Variants in SLC17A8 observed in about 807,000 individuals in gnomAD.
SLC17A8 encodes solute carrier family 17 member 8.
Under a neutral mutation model 58.0 loss-of-function variants are expected in SLC17A8, and 31 were observed. The observed-to-expected ratio is 0.53, with a 90% confidence interval of 0.40 to 0.72. The LOEUF (loss-of-function observed/expected upper bound fraction) is 0.72, where lower values mean the gene tolerates loss of function less well. Ranked by LOEUF, SLC17A8 falls within the 30% of genes least tolerant of loss-of-function variation. SLC17A8 has a pLI of 0.00. For synonymous variants in SLC17A8, 228 were observed against 249.0 expected, an observed-to-expected ratio of 0.92 and a Z score of 0.79; for missense variants, 655 against 727.8, an observed-to-expected ratio of 0.90 and a Z score of 1.15.
intron 1 of SLC17A8, among the ~76,000 whole-genome samples, chr12:100,361,648 TGGGA>T (rs1423811902): frequency 1.3e-5 from 2 of 151,960 alleles, no homozygotes; most frequent in African/African-American, 2.4e-5. Flanking sequence ...CTGAAAAAAC[TGGGA>T]GGGAGTAAAA....
intron 3 of SLC17A8, among the ~76,000 whole-genome samples, chr12:100,392,397 T>C (rs909715360): frequency 6.6e-6 from 1 of 152,146 alleles, no homozygotes; most frequent in Non-Finnish European, 1.5e-5. Flanking sequence ...TTTGTATGTA[T>C]GAGTATGGAC....
chr12:100,379,431 T>TC (rs200225713), intron 1 of SLC17A8, among the ~76,000 whole-genome samples: 1 of 45,650 alleles, frequency 2.2e-5, no homozygotes, highest in Non-Finnish European at 3.8e-5. Context: ...CGAGATTCCG[T>TC]CCCCAAAAAA....
At chr12:100,395,624 C>T (rs773254061) in intron 4 of SLC17A8, among the ~76,000 whole-genome samples, 2 of 144,874 alleles carry the variant, frequency 1.4e-5, no homozygotes, top group Admixed American at 7.0e-5. Flanking sequence ...TGTGCCTGGC[C>T]TTTTTTTTTT....
At chr12:100,380,368 T>C (rs556296929) in intron 1 of SLC17A8, among the ~76,000 whole-genome samples, 39 of 152,126 alleles carry the variant, frequency 2.6e-4, no homozygotes, top group Admixed American at 2.2e-3. Flanking sequence ...CTCAAATGAC[T>C]TAGTTTCCTC....
intron 10 of SLC17A8, among the ~76,000 whole-genome samples, chr12:100,415,910 G>A (rs565635362): frequency 1.3e-5 from 2 of 152,324 alleles, no homozygotes; most frequent in South Asian, 2.1e-4. Flanking sequence ...GGGAGGGATT[G>A]CAGCCACAGG....
intron 1 of SLC17A8, among the ~76,000 whole-genome samples, chr12:100,376,894 C>T (rs892616281): frequency 6.6e-6 from 1 of 152,152 alleles, no homozygotes; most frequent in African/African-American, 2.4e-5. Context: ...ACTGTAACCT[C>T]TGCCTCCAAG....
At chr12:100,365,384 C>T (rs1952512954) in intron 1 of SLC17A8, among the ~76,000 whole-genome samples, 1 of 152,156 alleles carries the variant, frequency 6.6e-6, no homozygotes, top group Non-Finnish European at 1.5e-5. Flanking sequence ...TTTTCCTATT[C>T]AGATGACTTT....
At chr12:100,394,015 T>C (rs144490424) in intron 4 of SLC17A8, among the ~76,000 whole-genome samples, 3 of 152,368 alleles carry the variant, frequency 2.0e-5, no homozygotes, top group African/African-American at 7.2e-5. Flanking sequence ...TGGGCATGGC[T>C]ACGTTCCAAT....
Position 100,374,577 on chromosome 12 carries a change from A to G in SLC17A8, c.102-6124A>G, listed in dbSNP as rs2003897. Among the ~76,000 whole-genome samples, 924 of 152,320 alleles carry G rather than the reference A, an allele frequency of 6.1e-3. 5 individuals are homozygous for G. Among genetic ancestry groups the G allele is most frequent in the Non-Finnish European group, 9.7e-3 (659 of 68,028 alleles). On this transcript the variant is annotated intron_variant, in intron 1 of 11. Transcript: ENST00000323346. ...CAGTGAGCCAAGATTGCGCCACTGCACTCCAACCTGGGTGACAGTGCAAGA... is the reference window on the plus strand; with the variant it reads ...CAGTGAGCCAAGATTGCGCCACTGCGCTCCAACCTGGGTGACAGTGCAAGA...
intron 9 of SLC17A8, among the ~76,000 whole-genome samples, chr12:100,409,191 ATGTATG>A (rs1952848777): frequency 6.9e-6 from 1 of 145,964 alleles, no homozygotes; most frequent in Non-Finnish European, 1.6e-5. Context: ...GTATGTATGT[ATGTATG>A]TATTTAGAGA....
chr12:100,378,701 A>T (rs1190275780), intron 1 of SLC17A8, among the ~76,000 whole-genome samples: 1 of 152,092 alleles, frequency 6.6e-6, no homozygotes, highest in African/African-American at 2.4e-5. Flanking sequence ...AAGGGGCTGG[A>T]CTTAGCTAGA....
At chr12:100,364,353 T>C (rs569759410) in intron 1 of SLC17A8, among the ~76,000 whole-genome samples, 1 of 152,168 alleles carries the variant, frequency 6.6e-6, no homozygotes, top group Non-Finnish European at 1.5e-5. Flanking sequence ...AAGGGGTCTG[T>C]TACAAACAAC....
At chr12:100,391,458 C>T (rs1952716107) in intron 3 of SLC17A8, among the ~76,000 whole-genome samples, 1 of 150,458 alleles carries the variant, frequency 6.6e-6, no homozygotes, top group South Asian at 2.1e-4. Context: ...GTGTGCACCA[C>T]TACACCCAGC....
intron 1 of SLC17A8, among the ~76,000 whole-genome samples, chr12:100,367,647 C>T (rs972527376): frequency 2.6e-5 from 4 of 152,198 alleles, no homozygotes; most frequent in Non-Finnish European, 5.9e-5. Context: ...ACCTCCCAGG[C>T]TCAAGTGATC....
intron 9 of SLC17A8, among the ~76,000 whole-genome samples, chr12:100,406,621 C>T (rs905548528): frequency 1.3e-5 from 2 of 151,760 alleles, no homozygotes; most frequent in African/African-American, 2.4e-5. Context: ...CTGCAACCTC[C>T]GCCTCTTGGG....
chr12:100,400,649 G>T (rs1016007983), intron 5 of SLC17A8, among the ~76,000 whole-genome samples: 9 of 152,034 alleles, frequency 5.9e-5, no homozygotes, highest in Admixed American at 4.6e-4. Context: ...TCAAATTCTG[G>T]GATATAGAAT....
At chr12:100,366,392 A>G (rs1301644016) in intron 1 of SLC17A8, among the ~76,000 whole-genome samples, 1 of 152,162 alleles carries the variant, frequency 6.6e-6, no homozygotes, top group African/African-American at 2.4e-5. Context: ...ACTCACTATG[A>G]GACGATCCTG....
Position 100,418,018 on chromosome 12 carries a change from C to T in SLC17A8, c.1298-11C>T, listed in dbSNP as rs774649866. ...CTTGACTCTGATTTTGAGGTTTTGG[C>T]TTCACTGTAGGTTTTAATGTCAACC... On this transcript the variant is annotated splice_polypyrimidine_tract_variant and intron_variant, in intron 10 of 11. Transcript: ENST00000323346. 13 of 1,614,026 alleles carry T rather than the reference C, an allele frequency of 8.1e-6. No homozygotes were observed. The South Asian group carries it at 1.1e-4, about 14-fold the overall frequency.
intron 9 of SLC17A8, among the ~76,000 whole-genome samples, chr12:100,404,930 T>C (rs1380428278): frequency 6.6e-6 from 1 of 152,218 alleles, no homozygotes; most frequent in African/African-American, 2.4e-5. Context: ...GCTACCCCTC[T>C]GGAGGACTAG....
Sources: allele counts gnomAD v4.1 joint callset (sites outside exome capture counted in the v4.1 genomes callset), GRCh38; gene constraint gnomAD v4.1.1; transcripts MANE v1.5; gene names NCBI Gene and HGNC (gene_info 2026-07-23, HGNC 2026-07-21).